CNGB1: variants seen among roughly 807,000 people sequenced by gnomAD.
CNGB1 encodes the protein cyclic nucleotide gated channel subunit beta 1, also known as cyclic nucleotide-gated channel beta-1.
CNGB1 carries 126 observed loss-of-function variants against 151.7 expected under a neutral mutation model. The observed-to-expected ratio is 0.83, with a 90% confidence interval of 0.72 to 0.96. The LOEUF is 0.96. Among genes scored for constraint, CNGB1 ranks in the 40% least tolerant of loss-of-function variants. The probability of loss-of-function intolerance (pLI) is 0.00; values close to 1 mark genes in which losing one functional copy is unlikely to be tolerated. For missense variants in CNGB1, 1,698 were observed against 1,627.0 expected, an observed-to-expected ratio of 1.04 and a Z score of -0.75; for synonymous variants, 623 against 635.1, an observed-to-expected ratio of 0.98 and a Z score of 0.29.
chr16:57,918,144 T>TTTATTTAC (rs1208997525), intron 20 of CNGB1, among the ~76,000 whole-genome samples: 1 of 151,000 alleles, frequency 6.6e-6, no homozygotes, highest in Non-Finnish European at 1.5e-5. Context: ...TATTTATTTA[T>TTTATTTAC]TTACTATTTT....
intron 31 of CNGB1, among the ~76,000 whole-genome samples, chr16:57,895,242 T>G (rs1381567414): frequency 6.6e-6 from 1 of 152,048 alleles, no homozygotes; most frequent in African/African-American, 2.4e-5. Context: ...GGTCAGGAGT[T>G]TGAGACCAGT....
rs145911723 is a variant in CNGB1, at chr16:57,891,630, C to G, written c.3243-3556G>C. ...GCATTACAGTGGTGTGATCTTGGCT[C>G]ACTGCAACCTCTGCCTCCCAGGGTC... On this transcript the variant is annotated intron_variant, in intron 31 of 32. Transcript: ENST00000251102. Among the ~76,000 whole-genome samples the G allele has an allele frequency of 2.2e-3, 340 of 151,378 alleles. 3 individuals are homozygous for G. The highest frequency in any genetic ancestry group is 7.9e-3 in the African/African-American group (324 of 40,888).
chr16:57,923,319 A>T lies in CNGB1; in HGVS notation c.1597T>A (p.Ser533Thr). Residue 533 changes from serine (S) to threonine (T), a missense_variant, in exon 18 of 33, where the codon TCC (serine) becomes ACC (threonine). Physicochemically the swap from Ser to Thr is moderately conservative, Grantham distance 58 (BLOSUM62 1). Transcript: ENST00000251102. ...GGGTCAGACCAGGCAACCACTGGGG[A>T]CTCTGCTGGTGACAACGCCTTGAGC... ...EELKALSPAE[S>T]PVVAWSDPTT... The T allele has an allele frequency of 6.2e-7, 1 of 1,607,584 alleles. No individual in the cohort carries two copies. The highest frequency in any genetic ancestry group is 8.5e-7 in the Non-Finnish European group (1 of 1,177,592).
chr16:57,886,007 GA>G (rs1959919245), intron 32 of CNGB1, among the ~76,000 whole-genome samples: 2 of 152,226 alleles, frequency 1.3e-5, no homozygotes, highest in Admixed American at 6.5e-5. Flanking sequence ...TGGGAAGTTA[GA>G]AAAGTGCTTT....
chr16:57,950,039 T>C (rs1961909892), intron 13 of CNGB1, among the ~76,000 whole-genome samples: 1 of 152,120 alleles, frequency 6.6e-6, no homozygotes, highest in South Asian at 2.1e-4. Flanking sequence ...TATGCAGCAG[T>C]GAAAAATGAA....
intron 12 of CNGB1, chr16:57,955,184 G>A: frequency 6.6e-7 from 1 of 1,515,056 alleles, no homozygotes; most frequent in Non-Finnish European, 8.8e-7. Flanking sequence ...GGCTCCCCTT[G>A]TCCTGCCTGG....
At chr16:57,947,259 C>T (rs1435188079) in intron 14 of CNGB1, among the ~76,000 whole-genome samples, 1 of 152,186 alleles carries the variant, frequency 6.6e-6, no homozygotes, top group African/African-American at 2.4e-5. Context: ...GATCACTGGC[C>T]TTCAAAGGGT....
Position 57,882,743 on chromosome 16 carries a change from C to T in CNGB1, c.*1421G>A, listed in dbSNP as rs1200783500. 6.6e-6 allele frequency: 1 copy of T among 151,892 alleles called. No homozygotes were observed. The highest frequency in any genetic ancestry group is 1.5e-5 in the Non-Finnish European group (1 of 67,990). 9.4% of individuals were successfully genotyped at this position (151,892 alleles called of 1,614,324 possible). ...GAGCCATTTGGTATGCAAATAAAAT[C>T]CTCTTGATAAATATTCATTCCCTGA... On this transcript the variant is annotated 3_prime_UTR_variant, in exon 33 of 33. Coordinates refer to ENST00000251102, the MANE Select transcript of CNGB1 (RefSeq NM_001297.5).
chr16:57,928,397 G>T (rs757787516), intron 17 of CNGB1, among the ~76,000 whole-genome samples: 1 of 152,214 alleles, frequency 6.6e-6, no homozygotes, highest in Non-Finnish European at 1.5e-5. Context: ...CATGGAGCTG[G>T]AGGAATACCC....
chr16:57,898,108 C>T (rs1424162345), intron 29 of CNGB1, among the ~76,000 whole-genome samples, 194 bp from the exon 30 acceptor site: 1 of 152,156 alleles, frequency 6.6e-6, no homozygotes, highest in Non-Finnish European at 1.5e-5. Flanking sequence ...CATCTGTAGA[C>T]TTGGAGGAGT....
intron 31 of CNGB1, among the ~76,000 whole-genome samples, chr16:57,893,042 C>T (rs1389934321): frequency 6.6e-6 from 1 of 152,080 alleles, no homozygotes; most frequent in Non-Finnish European, 1.5e-5. Context: ...ACTGTGTACT[C>T]GATACATCAC....
intron 25 of CNGB1, among the ~76,000 whole-genome samples, chr16:57,911,185 G>A (rs1489697721): frequency 6.6e-6 from 1 of 152,206 alleles, no homozygotes; most frequent in Non-Finnish European, 1.5e-5. Context: ...GAGTTTGGAT[G>A]CAGAAAGGAT....
intron 17 of CNGB1, among the ~76,000 whole-genome samples, chr16:57,925,047 G>A (rs1366264516): frequency 6.6e-6 from 1 of 152,126 alleles, no homozygotes; most frequent in African/African-American, 2.4e-5. Context: ...CTGTCACCCA[G>A]GCTGGAGTGC....
intron 14 of CNGB1, among the ~76,000 whole-genome samples, chr16:57,947,289 G>A (rs539398619): frequency 3.3e-5 from 5 of 152,352 alleles, no homozygotes; most frequent in African/African-American, 9.6e-5. Context: ...CCAGAGCAGT[G>A]GCAAATACAG....
chr16:57,939,675 A>G (rs1367942062), intron 15 of CNGB1, 83 bp from the exon 16 acceptor site: 1 of 1,577,494 alleles, frequency 6.3e-7, no homozygotes, highest in Admixed American at 1.7e-5. Flanking sequence ...ATCTGCCTTC[A>G]GAAGTCCACA....
intron 12 of CNGB1, among the ~76,000 whole-genome samples, chr16:57,955,650 T>A (rs1034179033): frequency 4.6e-5 from 7 of 152,182 alleles, no homozygotes. Context: ...CATCCCGGAT[T>A]GAGGGTGGGC....
intron 25 of CNGB1, among the ~76,000 whole-genome samples, chr16:57,907,359 C>T (rs1960582167): frequency 6.6e-6 from 1 of 152,154 alleles, no homozygotes; most frequent in Non-Finnish European, 1.5e-5. Context: ...CTAGAAAAGC[C>T]AACATATGCT....
At chr16:57,945,196 G>A (rs1287833400) in intron 14 of CNGB1, among the ~76,000 whole-genome samples, 1 of 152,150 alleles carries the variant, frequency 6.6e-6, no homozygotes, top group Non-Finnish European at 1.5e-5. Flanking sequence ...TTAATGCTCT[G>A]TTTCACTGCC....
rs147522563 is a variant in CNGB1 at position 57,906,277 on chromosome 16, A to C, written c.2493-1402T>G. On this transcript the variant is annotated intron_variant, in intron 25 of 32. Transcript: ENST00000251102. The stretch of plus-strand genomic sequence containing the variant: ...GGCAATAGAATGTCCCTTACAGAAG[A>C]CCATGAAGACAAAATGAGGTGCTAG... 5.5e-3 allele frequency among the ~76,000 whole-genome samples: 841 copies of C among 152,304 alleles called. 9 individuals carry two copies. The highest frequency in any genetic ancestry group is 0.019 in the African/African-American group (782 of 41,576).
Sources: allele counts gnomAD v4.1 joint callset (sites outside exome capture counted in the v4.1 genomes callset), GRCh38; gene constraint gnomAD v4.1.1; transcripts MANE v1.5; gene names NCBI Gene and HGNC (gene_info 2026-07-23, HGNC 2026-07-21).